ASB4: variants seen among roughly 807,000 people sequenced by gnomAD.
The protein encoded by ASB4 is ankyrin repeat and SOCS box containing 4.
A neutral mutation model predicts 38.6 loss-of-function variants in ASB4; 35 were observed. That is an observed-to-expected ratio of 0.91 (90% confidence interval 0.69 to 1.20). ASB4 has a LOEUF of 1.20. Among genes scored for constraint, ASB4 ranks in the 50% most tolerant of loss-of-function variants. The pLI, the probability that ASB4 is intolerant of heterozygous loss-of-function variation, is 0.00. For missense variants in ASB4, 557 were observed against 527.2 expected (o/e 1.06, Z -0.55); for synonymous variants, 195 against 201.3 (o/e 0.97, Z 0.26).
In ASB4 at chr7:95,537,627, T is replaced by G. The variant is rs765853822; in HGVS notation, c.1149T>G (p.Thr383=). Residue 383 remains threonine (T), a synonymous_variant, in exon 5 of 5, where the codon ACT becomes ACG. Coordinates refer to ENST00000325885, the MANE Select transcript of ASB4 (RefSeq NM_016116.3). ...CTGTGTGCTGTAACTCTCCAAGGAC[T>G]CTCATGCACTTATCGAGATGTGCCA... The part of the protein sequence containing the change: ...LFTVCCNSPR[T]LMHLSRCAIR... 5.6e-6 allele frequency: 9 copies of G among 1,612,070 alleles called. No individual in the cohort carries two copies. The highest frequency in any genetic ancestry group is 7.6e-6 in the Non-Finnish European group (9 of 1,178,892).
upstream of ASB4, among the ~76,000 whole-genome samples, chr7:95,474,718 T>C (rs1187969115): frequency 1.3e-5 from 2 of 152,026 alleles, no homozygotes; most frequent in Admixed American, 6.6e-5. Flanking sequence ...TAGAGATGGG[T>C]GTCACCATGT....
chr7:95,486,271 T>TA lies in ASB4; in HGVS notation c.187+119dup, dbSNP rs969308581. ...TTTATTGTTTCTTTAAGTATTCATT[T>TA]AAAAAATATTTCTAAATTGATATTT... On this transcript the variant is annotated intron_variant, in intron 1 of 4. Coordinates refer to ENST00000325885, the MANE Select transcript of ASB4 (RefSeq NM_016116.3). 5.7e-5 allele frequency: 44 copies of TA among 776,774 alleles called. No individual in the cohort carries two copies. In the African/African-American group the frequency reaches 6.5e-4, roughly 11 times the overall value. The allele number at this position is 776,774 out of a possible 1,614,324, so 48.1% of individuals were successfully genotyped here. A position where few individuals can be genotyped will look rare whatever the true frequency, so the allele number is the denominator to read the frequency against.
intron 2 of ASB4, among the ~76,000 whole-genome samples, chr7:95,499,539 A>T (rs1304303550): frequency 3.3e-5 from 5 of 152,214 alleles, no homozygotes; most frequent in Non-Finnish European, 7.3e-5. Flanking sequence ...ACTGACAAAA[A>T]TAGTTTTGGT....
At chr7:95,501,453 G>A (rs1790336344) in intron 2 of ASB4, among the ~76,000 whole-genome samples, 1 of 152,184 alleles carries the variant, frequency 6.6e-6, no homozygotes, top group Admixed American at 6.5e-5. Flanking sequence ...AGGCCTGCTG[G>A]ACAGACGCTG....
chr7:95,545,122 G>A (rs1584102759), downstream of ASB4, among the ~76,000 whole-genome samples: 1 of 151,812 alleles, frequency 6.6e-6, no homozygotes, highest in Middle Eastern at 3.4e-3. Flanking sequence ...ACTGTCCCAA[G>A]CTGTTTTGTT....
intron 1 of ASB4, among the ~76,000 whole-genome samples, chr7:95,493,659 A>C: frequency 6.6e-6 from 1 of 152,170 alleles, no homozygotes; most frequent in East Asian, 1.9e-4. Flanking sequence ...TCCTTGTAAC[A>C]AGAACAAGTG....
At chr7:95,543,370 A>AT (rs1790994547), downstream of ASB4, 1 of 130,762 alleles carries the variant, frequency 7.6e-6, no homozygotes, top group Non-Finnish European at 1.7e-5. Flanking sequence ...ACTTCCACAG[A>AT]TAGCCCTTAA....
At chr7:95,516,236 A>G (rs184417197) in intron 2 of ASB4, among the ~76,000 whole-genome samples, 21 of 152,334 alleles carry the variant, frequency 1.4e-4, no homozygotes, top group Non-Finnish European at 2.5e-4. Context: ...GTCTGATTTC[A>G]TGAGCCCAAC....
chr7:95,486,754 T>C (rs1032363610), intron 1 of ASB4, among the ~76,000 whole-genome samples: 1 of 152,236 alleles, frequency 6.6e-6, no homozygotes, highest in Non-Finnish European at 1.5e-5. Context: ...TTTCCTGGAC[T>C]ACAATAATTG....
At chr7:95,531,712 C>T (rs991287095) in intron 3 of ASB4, among the ~76,000 whole-genome samples, 4 of 152,112 alleles carry the variant, frequency 2.6e-5, no homozygotes, top group Admixed American at 6.5e-5. Context: ...TAAATGTTGA[C>T]TTGTATTCTG....
At chr7:95,475,004 G>C (rs1047256051), upstream of ASB4, among the ~76,000 whole-genome samples, 3 of 152,288 alleles carry the variant, frequency 2.0e-5, no homozygotes, top group South Asian at 6.2e-4. Context: ...AGGATGAGGT[G>C]GCTTTCTATA....
chr7:95,501,808 TA>T (rs1790342322), intron 2 of ASB4, among the ~76,000 whole-genome samples: 1 of 151,860 alleles, frequency 6.6e-6, no homozygotes, highest in African/African-American at 2.4e-5. Context: ...AAGAAAGAGG[TA>T]GGGGGAAGCT....
chr7:95,545,050 T>C (rs1410109138), downstream of ASB4, among the ~76,000 whole-genome samples: 1 of 151,798 alleles, frequency 6.6e-6, no homozygotes, highest in Non-Finnish European at 1.5e-5. Flanking sequence ...TTTTTTTTTT[T>C]CTTTTTATTG....
intron 2 of ASB4, among the ~76,000 whole-genome samples, chr7:95,502,936 A>G (rs1790361634): frequency 1.3e-5 from 2 of 152,174 alleles, no homozygotes; most frequent in South Asian, 4.1e-4. Context: ...AGAAAATTTC[A>G]TGTTGTTACC....
chr7:95,500,810 C>T (rs554842859), intron 2 of ASB4, among the ~76,000 whole-genome samples: 1 of 152,142 alleles, frequency 6.6e-6, no homozygotes, highest in Non-Finnish European at 1.5e-5. Context: ...CTTTGGCACA[C>T]AAGGTTTTCC....
intron 3 of ASB4, among the ~76,000 whole-genome samples, chr7:95,535,260 T>C (rs910599132): frequency 7.2e-5 from 11 of 152,210 alleles, no homozygotes; most frequent in African/African-American, 1.9e-4. Flanking sequence ...GGTTTTGTGA[T>C]CTTTTGCTCA....
chr7:95,536,527 G>GA lies in ASB4; in HGVS notation c.1069_1070insA (p.Ala357AspfsTer5), dbSNP rs766491257. 5.6e-5 allele frequency: 90 copies of GA among 1,611,168 alleles called. No homozygotes were observed. Among genetic ancestry groups the GA allele is most frequent in the Non-Finnish European group, 7.3e-5 (86 of 1,177,664 alleles). ...CAGATGGAACACAAAGTGGAGAAGAGCTATCCCCGATGATGACTTGGAGGT... is the reference window on the plus strand; with the variant it reads ...CAGATGGAACACAAAGTGGAGAAGAGACTATCCCCGATGATGACTTGGAGGT... On this transcript the variant is annotated frameshift_variant, in exon 4 of 5. Transcript: ENST00000325885.
chr7:95,499,996 C>G (rs183730758), intron 2 of ASB4, among the ~76,000 whole-genome samples: 56 of 151,376 alleles, frequency 3.7e-4, no homozygotes, highest in Non-Finnish European at 6.9e-4. Context: ...GCCTCAGCCT[C>G]CCAAGTAGCT....
In ASB4 at chr7:95,528,113, G is replaced by C. The variant is rs150283322; in HGVS notation, c.788G>C (p.Cys263Ser). The change falls in exon 3 of 5, where the codon TGT (cysteine) becomes TCT (serine). Residue 263 changes from cysteine (C) to serine (S), a missense_variant. Cys to Ser is a moderately radical substitution (Grantham distance 112). Transcript: ENST00000325885. ...CCCCTCCACAAGGCAGCCTGGAACT[G>C]TGACCACGTGCTCATGCACATGATG... The part of the protein sequence containing the change: ...KSPLHKAAWN[C>S]DHVLMHMMLE... 1.9e-4 allele frequency: 302 copies of C among 1,614,178 alleles called. 1 individual carries two copies. The East Asian group carries it at 6.4e-3, about 34-fold the overall frequency.
Sources: allele counts gnomAD v4.1 joint callset (sites outside exome capture counted in the v4.1 genomes callset), GRCh38; gene constraint gnomAD v4.1.1; transcripts MANE v1.5; gene names NCBI Gene and HGNC (gene_info 2026-07-23, HGNC 2026-07-21).